Variants in PTPA observed in about 807,000 individuals in gnomAD.
PTPA encodes the protein protein phosphatase 2 phosphatase activator, also known as serine/threonine-protein phosphatase 2A activator.
In PTPA, 13 loss-of-function variants were observed where a neutral mutation model predicts 43.6. The ratio of observed to expected loss-of-function variants is 0.30; its 90% CI spans 0.19 to 0.47. PTPA has a LOEUF of 0.47. PTPA is among the 20% of genes least tolerant of loss of function. The pLI, the probability that PTPA is intolerant of heterozygous loss-of-function variation, is 0.99. For missense variants in PTPA, 329 were observed against 411.9 expected (o/e 0.80, Z 1.74); for synonymous variants, 172 against 158.2 (o/e 1.09, Z -0.66).
chr9:129,125,266 T>TC (rs1183880314), intron 3 of PTPA, among the ~76,000 whole-genome samples: 1 of 148,192 alleles, frequency 6.7e-6, no homozygotes, highest in African/African-American at 2.5e-5. Flanking sequence ...GGTATTGTCT[T>TC]TTTTTTTTTT....
At position 129,127,154 on chromosome 9, in the gene PTPA, G is replaced by A. The variant is rs17486303; in HGVS notation, c.217-1831G>A. Among the ~76,000 whole-genome samples, 426 of 152,260 alleles carry A rather than the reference G, an allele frequency of 2.8e-3. 2 individuals carry two copies. The highest frequency in any genetic ancestry group is 9.7e-3 in the African/African-American group (404 of 41,528). On this transcript the variant is annotated intron_variant, in intron 3 of 9. Transcript: ENST00000393370. The stretch of plus-strand genomic sequence containing the variant: ...CCCTCTGCCTTAGCCAGGTGTAAAG[G>A]GAAATTTATCCTCTTACAGGCTACT...
chr9:129,134,316 TTTTTTTTTG>T (rs1326671126), intron 5 of PTPA, among the ~76,000 whole-genome samples: 2 of 136,388 alleles, frequency 1.5e-5, no homozygotes, highest in African/African-American at 5.4e-5. Context: ...TTTTTTTTTT[TTTTTTTTTG>T]AGACAGTCTC....
intron 1 of PTPA, among the ~76,000 whole-genome samples, chr9:129,112,897 C>T (rs934894506): frequency 2.0e-5 from 3 of 151,242 alleles, no homozygotes; most frequent in Admixed American, 6.6e-5. Context: ...GCTGAGATCG[C>T]GGCATTGCAC....
intron 1 of PTPA, among the ~76,000 whole-genome samples, chr9:129,114,084 AGT>A (rs1189370909): frequency 6.6e-6 from 1 of 152,072 alleles, no homozygotes; most frequent in Admixed American, 6.6e-5. Context: ...GCCAGGGTGC[AGT>A]GGTGCAATCT....
intron 8 of PTPA, among the ~76,000 whole-genome samples, chr9:129,139,012 T>C (rs928543871): frequency 1.3e-5 from 2 of 152,092 alleles, no homozygotes; most frequent in Non-Finnish European, 1.5e-5. Flanking sequence ...TGCGGAGCCC[T>C]GGGGGACCTC....
At chr9:129,142,757 A>AAC in intron 9 of PTPA, 1 of 1,536,418 alleles carries the variant, frequency 6.5e-7, no homozygotes, top group Non-Finnish European at 8.7e-7. Flanking sequence ...CAGCCACCCC[A>AAC]GCCCCGAAAA....
At chr9:129,139,127 C>T (rs17455866) in intron 8 of PTPA, among the ~76,000 whole-genome samples, 1 of 152,306 alleles carries the variant, frequency 6.6e-6, no homozygotes, top group South Asian at 2.1e-4. Flanking sequence ...GGCGGCTGGC[C>T]AGGCCTCTGG....
At chr9:129,128,130 G>C (rs1378283767) in intron 3 of PTPA, 59 of 1,127,790 alleles carry the variant, frequency 5.2e-5, no homozygotes, top group Non-Finnish European at 6.6e-5. Flanking sequence ...TTAGTCACTT[G>C]CTCAAGGTCT....
Position 129,120,577 on chromosome 9 carries a change from A to T in PTPA, c.96A>T (p.Thr32=), listed in dbSNP as rs767293548. Residue 32 remains threonine, a synonymous_variant, in exon 2 of 10, where the codon ACA becomes ACT. Coordinates refer to ENST00000393370, the MANE Select transcript of PTPA (RefSeq NM_178000.3). ...TCATTCCAAAAAAGGAGATCCACAC[A>T]GTTCCAGACATGGGCAAATGGAAGC... The part of the protein sequence containing the change: ...NFIIPKKEIH[T]VPDMGKWKRS... 1 of 1,613,834 alleles carries T rather than the reference A, an allele frequency of 6.2e-7. No individual in the cohort carries two copies. The highest frequency in any genetic ancestry group is 8.5e-7 in the Non-Finnish European group (1 of 1,179,756).
chr9:129,133,957 A>G (rs578044001), intron 5 of PTPA, among the ~76,000 whole-genome samples: 1 of 152,264 alleles, frequency 6.6e-6, no homozygotes, highest in African/African-American at 2.4e-5. Flanking sequence ...CATCTTTCAG[A>G]TTTCAGATTA....
intron 9 of PTPA, chr9:129,142,822 C>T (rs1024016769): frequency 1.2e-5 from 19 of 1,534,106 alleles, no homozygotes; most frequent in African/African-American, 5.5e-5. Context: ...GGACCTGCTG[C>T]ATGGGGAGTG....
chr9:129,147,361 T>C (rs1171166266), intron 9 of PTPA, 26 bp from the exon 10 acceptor site: 2 of 1,612,088 alleles, frequency 1.2e-6, no homozygotes, highest in Non-Finnish European at 1.7e-6. Context: ...CCCTCACCAC[T>C]CTGCTCACCT....
intron 9 of PTPA, among the ~76,000 whole-genome samples, chr9:129,144,302 G>A (rs1851129701): frequency 1.3e-5 from 2 of 151,994 alleles, no homozygotes; most frequent in South Asian, 4.2e-4. Context: ...ACACAAAGAG[G>A]ACACTGAAAA....
chr9:129,111,837 G>C (rs552960256), intron 1 of PTPA: 9 of 1,209,846 alleles, frequency 7.4e-6, no homozygotes, highest in Non-Finnish European at 9.3e-6. Flanking sequence ...GGCTGCAAAG[G>C]GGTGGTGATT....
intron 8 of PTPA, among the ~76,000 whole-genome samples, chr9:129,140,528 C>T (rs1468661390): frequency 6.6e-6 from 1 of 152,202 alleles, no homozygotes; most frequent in Admixed American, 6.5e-5. Context: ...TTTTGAGGAT[C>T]TGTTCTTTGG....
At position 129,128,980 on chromosome 9, in the gene PTPA, C is replaced by T. The variant is rs749215682; in HGVS notation, c.217-5C>T. The T allele has an allele frequency of 6.2e-6, 10 of 1,613,126 alleles. No homozygotes were observed. In the South Asian group the frequency reaches 7.7e-5, roughly 12 times the overall value. On this transcript the variant is annotated splice_polypyrimidine_tract_variant and splice_region_variant and intron_variant, in intron 3 of 9. Coordinates refer to ENST00000393370, the MANE Select transcript of PTPA (RefSeq NM_178000.3). ...AGCTTGGACCCCTCTATTTTGCCTC[C>T]ACAGGCCATTGAGAAACTAGTCGCT...
chr9:129,117,189 G>C (rs893801860), intron 1 of PTPA, among the ~76,000 whole-genome samples: 17 of 151,476 alleles, frequency 1.1e-4, no homozygotes, highest in Non-Finnish European at 1.8e-4. Context: ...TAGGACTACA[G>C]GTGTGCACCA....
At chr9:129,112,857 C>T (rs1473205343) in intron 1 of PTPA, among the ~76,000 whole-genome samples, 2 of 151,466 alleles carry the variant, frequency 1.3e-5, no homozygotes, top group East Asian at 2.0e-4. Flanking sequence ...AGGAGAATCG[C>T]TTGAACCTGG....
chr9:129,111,739 C>A, intron 1 of PTPA, 108 bp downstream of exon 1: 1 of 1,211,816 alleles, frequency 8.3e-7, no homozygotes, highest in Non-Finnish European at 1.0e-6. Flanking sequence ...ACTGGAGGGG[C>A]AAAAGCTGAG....
Sources: gnomAD v4.1 joint callset for allele counts (sites outside exome capture counted in the v4.1 genomes callset) on GRCh38, gnomAD v4.1.1 for gene constraint, MANE v1.5 for transcripts, NCBI Gene and HGNC (gene_info 2026-07-23, HGNC 2026-07-21) for gene names.